Variants in PRDM11 observed in about 807,000 individuals in gnomAD.
PRDM11 encodes PR/SET domain 11, also known as PR domain-containing protein 11.
Under a neutral mutation model 97.8 loss-of-function variants are expected in PRDM11, and 20 were observed. The ratio of observed to expected loss-of-function variants is 0.20; its 90% CI spans 0.14 to 0.30. The LOEUF is 0.30. PRDM11 is among the 10% of genes least tolerant of loss of function. The probability of loss-of-function intolerance (pLI) is 1.00; values close to 1 mark genes in which losing one functional copy is unlikely to be tolerated. For missense variants in PRDM11, 1,139 were observed against 1,555.2 expected, an observed-to-expected ratio of 0.73 and a Z score of 4.50; for synonymous variants, 599 against 637.7, an observed-to-expected ratio of 0.94 and a Z score of 0.91.
intron 1 of PRDM11, among the ~76,000 whole-genome samples, chr11:45,101,567 A>AAAAGAAGAAGAAGAAGAAGAAGAAGAAG (rs767802218): frequency 1.0e-5 from 1 of 96,834 alleles, no homozygotes; most frequent in African/African-American, 4.9e-5. Context: ...AAAAAAAAAA[A>AAAAGAAGAAGAAGAAGAAGAAGAAGAAG]AAGAAGAAGA....
chr11:45,106,364 A>C (rs1049451202), intron 1 of PRDM11, among the ~76,000 whole-genome samples: 1 of 151,910 alleles, frequency 6.6e-6, no homozygotes, highest in Non-Finnish European at 1.5e-5. Flanking sequence ...GTTTCCTGTC[A>C]CCCATGGGTC....
chr11:45,180,582 C>G (rs1241726520), intron 1 of PRDM11, among the ~76,000 whole-genome samples: 1 of 151,526 alleles, frequency 6.6e-6, no homozygotes, highest in Non-Finnish European at 1.5e-5. Context: ...CCGCTCCCTG[C>G]GCGCCCCCCT....
chr11:45,224,354 C>A lies in PRDM11; in HGVS notation c.880C>A (p.Pro294Thr), dbSNP rs1302265445. 1 of 1,614,002 alleles carries A rather than the reference C, an allele frequency of 6.2e-7. No individual in the cohort carries two copies. Residue 294 changes from proline to threonine, a missense_variant, in exon 7 of 8, where the codon CCC (proline) becomes ACC (threonine). By Grantham distance (38) the Pro-to-Thr change is conservative. This residue lies in a region of PRDM11 where 429 missense variants were observed against 510.3 expected (regional missense o/e 0.84). Transcript: ENST00000683152. ...TGGCTTTGATGAGGGGGATGTACAC[C>A]CCCAAGCTAAGAAGAAGAAAATTGA... ...KRGFDEGDVH[P>T]QAKKKKIDLI...
At position 45,232,892 on chromosome 11, in the gene PRDM11, A is replaced by G. The variant is rs985544636; in HGVS notation, c.*4733A>G. The G allele has an allele frequency of 6.6e-6, 1 of 152,052 alleles. No individual in the cohort carries two copies. The highest frequency in any genetic ancestry group is 1.5e-5 in the Non-Finnish European group (1 of 68,002). The allele number at this position is 152,052 out of a possible 1,614,324, so 9.4% of individuals were successfully genotyped here. ...TGGGAGGAAAATGGTACGCCCCTCC[A>G]CTTCCATCTGGCACTCCCTTCCCCC... On this transcript the variant is annotated 3_prime_UTR_variant, in exon 8 of 8. Coordinates refer to ENST00000683152, the MANE Select transcript of PRDM11 (RefSeq NM_001384648.1).
chr11:45,138,291 G>A (rs1477401160), intron 1 of PRDM11, among the ~76,000 whole-genome samples: 1 of 152,186 alleles, frequency 6.6e-6, no homozygotes, highest in Non-Finnish European at 1.5e-5. Flanking sequence ...AGGAGGCTGG[G>A]TGTGGTGCTC....
chr11:45,170,443 G>A (rs2135717429), intron 1 of PRDM11, among the ~76,000 whole-genome samples: 1 of 152,334 alleles, frequency 6.6e-6, no homozygotes, highest in East Asian at 1.9e-4. Flanking sequence ...TTGAGTGAAT[G>A]CCTAGAGGGA....
intron 1 of PRDM11, among the ~76,000 whole-genome samples, chr11:45,105,976 G>A (rs936517988): frequency 2.0e-5 from 3 of 152,132 alleles, no homozygotes; most frequent in Non-Finnish European, 4.4e-5. Context: ...AGAGTTCCTG[G>A]CACCGAGAAG....
At chr11:45,174,100 G>GT (rs368771311) in intron 1 of PRDM11, among the ~76,000 whole-genome samples, 1,564 of 151,922 alleles carry the variant, frequency 0.01, 25 homozygotes, top group African/African-American at 0.035. Context: ...TGGCTGGTTG[G>GT]TTTTTTTTGG....
intron 1 of PRDM11, among the ~76,000 whole-genome samples, chr11:45,158,801 C>A (rs539853879): frequency 1.1e-4 from 17 of 152,218 alleles, no homozygotes; most frequent in African/African-American, 3.1e-4. Flanking sequence ...TCGGTGCCCC[C>A]CCTTCTCTAA....
intron 5 of PRDM11, chr11:45,216,273 T>A (rs1466021944): frequency 6.6e-6 from 1 of 152,258 alleles, no homozygotes; most frequent in Non-Finnish European, 1.5e-5. Flanking sequence ...AGGCATTCTC[T>A]GTGCCTTCTC....
At chr11:45,182,458 T>C (rs1852544001) in intron 3 of PRDM11, 109 bp downstream of exon 3, 1 of 991,186 alleles carries the variant, frequency 1.0e-6, no homozygotes, top group African/African-American at 1.6e-5. Context: ...ACCTGCAATA[T>C]ACCAGGCCCA....
In PRDM11 at chr11:45,226,668, C is replaced by T. The variant is rs1854282282; in HGVS notation, c.2043C>T (p.Thr681=). The stretch of plus-strand genomic sequence containing the variant: ...CGGTGGCTGTCTATGTTCAGTACAC[C>T]AGCAGTGATGGGCCCCCGGCCACAG... ...ADTVAVYVQY[T]SSDGPPATEF... Residue 681 remains threonine (T), a synonymous_variant, in exon 8 of 8, where the codon ACC becomes ACT. Coordinates refer to ENST00000683152, the MANE Select transcript of PRDM11 (RefSeq NM_001384648.1). The T allele has an allele frequency of 6.5e-7, 1 of 1,533,984 alleles. No homozygotes were observed. The highest frequency in any genetic ancestry group is 8.7e-7 in the Non-Finnish European group (1 of 1,146,736).
intron 1 of PRDM11, among the ~76,000 whole-genome samples, chr11:45,153,314 G>A (rs759585111): frequency 6.6e-6 from 1 of 152,248 alleles, no homozygotes; most frequent in Admixed American, 6.5e-5. Context: ...TGGAGAGGGC[G>A]TGGGCCCCAG....
chr11:45,206,185 C>G (rs1200712728), intron 5 of PRDM11, among the ~76,000 whole-genome samples: 1 of 152,168 alleles, frequency 6.6e-6, no homozygotes, highest in Admixed American at 6.5e-5. Context: ...ATCACCCAGC[C>G]CTGCCCCACC....
chr11:45,129,518 A>G (rs1247135582), intron 1 of PRDM11, among the ~76,000 whole-genome samples: 1 of 152,178 alleles, frequency 6.6e-6, no homozygotes, highest in East Asian at 1.9e-4. Context: ...TGGAAATAGA[A>G]CCTTAAAAAC....
intron 1 of PRDM11, among the ~76,000 whole-genome samples, chr11:45,101,572 AGAAGAAG>A (rs1565220039): frequency 0.015 from 1,804 of 124,128 alleles, 85 homozygotes; most frequent in Middle Eastern, 0.061. Flanking sequence ...AAAAAAAAGA[AGAAGAAG>A]AAGAAGAAGA....
chr11:45,146,744 G>A lies in PRDM11; in HGVS notation c.-140G>A, dbSNP rs963530905. The A allele has an allele frequency of 8.8e-5, 13 of 148,558 alleles. No individual in the cohort carries two copies. Among genetic ancestry groups the A allele is most frequent in the South Asian group, 2.0e-4 (1 of 4,980 alleles). 9.2% of individuals were successfully genotyped at this position (148,558 alleles called of 1,614,324 possible). On this transcript the variant is annotated 5_prime_UTR_variant, in exon 1 of 8. Transcript: ENST00000683152. ...CTGGCGCTGAAACTTTGCCTCGCCG[G>A]GGACCAGCGCGCCCGCAGCGCGGCC...
chr11:45,234,400 C>T lies in PRDM11; in HGVS notation c.*6241C>T, dbSNP rs1854462334. 1 of 152,882 alleles carries T rather than the reference C, an allele frequency of 6.5e-6. No homozygotes were observed. Among genetic ancestry groups the T allele is most frequent in the Admixed American group, 6.5e-5 (1 of 15,292 alleles). 9.5% of individuals were successfully genotyped at this position (152,882 alleles called of 1,614,324 possible). A position where few individuals can be genotyped will look rare whatever the true frequency, so the allele number is the denominator to read the frequency against. ...CACCATCCTACAAGTACCTCAGTCT[C>T]CAGCAGGCCCACCCCTCCACCTGCA... On this transcript the variant is annotated 3_prime_UTR_variant, in exon 8 of 8. Transcript: ENST00000683152.
Position 45,219,464 on chromosome 11 carries a change from C to G in PRDM11, c.555-106C>G. ...GCTGATGTTCACATGGGCCCACGTGCCTGTGGACTTCTAACCATCCACACT... is the reference window on the plus strand; with the variant it reads ...GCTGATGTTCACATGGGCCCACGTGGCTGTGGACTTCTAACCATCCACACT... On this transcript the variant is annotated intron_variant, in intron 5 of 7. Transcript: ENST00000683152. The surrounding 1 kb of genome is among the most constrained non-coding windows in gnomAD (Gnocchi z 4.2). The G allele has an allele frequency of 8.9e-7, 1 of 1,125,094 alleles. No individual in the cohort carries two copies. The allele number at this position is 1,125,094 out of a possible 1,614,324, so 69.7% of individuals were successfully genotyped here.
Sources: allele counts gnomAD v4.1 joint callset (sites outside exome capture counted in the v4.1 genomes callset), GRCh38; gene constraint gnomAD v4.1.1; regional missense constraint gnomAD v4.1.1; non-coding constraint Gnocchi (gnomAD v3.1); transcripts MANE v1.5; gene names NCBI Gene and HGNC (gene_info 2026-07-23, HGNC 2026-07-21).